The following PPM1H variants were observed in gnomAD, a reference collection of about 807,000 sequenced individuals.
PPM1H encodes protein phosphatase 1H.
Under a neutral mutation model 54.9 loss-of-function variants are expected in PPM1H, and 27 were observed. The ratio of observed to expected loss-of-function variants is 0.49; its 90% CI spans 0.36 to 0.68. PPM1H has a LOEUF of 0.68. Among genes scored for constraint, PPM1H ranks in the 30% least tolerant of loss-of-function variants. PPM1H has a pLI of 0.00. For missense variants in PPM1H, 596 were observed against 667.8 expected, an observed-to-expected ratio of 0.89 and a Z score of 1.19; for synonymous variants, 305 against 270.8, an observed-to-expected ratio of 1.13 and a Z score of -1.24.
At chr12:62,708,964 C>T (rs2076191430) in intron 6 of PPM1H, among the ~76,000 whole-genome samples, 1 of 152,068 alleles carries the variant, frequency 6.6e-6, no homozygotes, top group Non-Finnish European at 1.5e-5. Flanking sequence ...ACGTCATATT[C>T]CACCCTTAAG....
At chr12:62,817,135 A>G (rs1255048030) in intron 2 of PPM1H, among the ~76,000 whole-genome samples, 17 of 106,814 alleles carry the variant, frequency 1.6e-4, no homozygotes, top group African/African-American at 1.0e-3. Context: ...AAAAAAAAAA[A>G]AGAAAAAAAA....
intron 1 of PPM1H, among the ~76,000 whole-genome samples, chr12:62,908,407 C>CAAA (rs751766456): frequency 6.5e-4 from 63 of 96,578 alleles, no homozygotes; most frequent in African/African-American, 9.6e-4. Flanking sequence ...GACTCCGTCT[C>CAAA]AAAAAAAAAA....
chr12:62,822,957 C>G (rs1008006063), intron 2 of PPM1H, among the ~76,000 whole-genome samples: 9 of 152,064 alleles, frequency 5.9e-5, no homozygotes, highest in African/African-American at 2.2e-4. Context: ...AATTCAGGAG[C>G]TGGTTTTTTG....
intron 1 of PPM1H, among the ~76,000 whole-genome samples, chr12:62,869,391 G>A (rs1310467122): frequency 6.6e-6 from 1 of 151,968 alleles, no homozygotes; most frequent in Non-Finnish European, 1.5e-5. Context: ...AATTCAAAGG[G>A]GCATGTAATA....
intron 8 of PPM1H, among the ~76,000 whole-genome samples, chr12:62,683,159 C>T (rs1262968099): frequency 6.7e-6 from 1 of 149,874 alleles, no homozygotes; most frequent in South Asian, 2.1e-4. Flanking sequence ...ATCTTCTCGC[C>T]TTGGCCTCCC....
intron 8 of PPM1H, among the ~76,000 whole-genome samples, chr12:62,670,680 C>A (rs1398757326): frequency 1.3e-5 from 2 of 152,168 alleles, no homozygotes; most frequent in African/African-American, 4.8e-5. Flanking sequence ...TAAATGTAAT[C>A]TTTCCCTAAT....
intron 6 of PPM1H, among the ~76,000 whole-genome samples, chr12:62,696,456 G>A (rs1299990081): frequency 6.6e-6 from 1 of 152,176 alleles, no homozygotes; most frequent in Non-Finnish European, 1.5e-5. Flanking sequence ...CGACAAGGGG[G>A]AATAGCACCA....
chr12:62,802,109 C>T lies in PPM1H; in HGVS notation c.463G>A (p.Gly155Arg). The change falls in exon 3 of 10, where the codon GGG becomes AGG. Residue 155 changes from glycine to arginine, a missense_variant. By Grantham distance (125) the Gly-to-Arg change is moderately radical (BLOSUM62 -2). Coordinates refer to ENST00000228705, the MANE Select transcript of PPM1H (RefSeq NM_020700.2). ...HYWSLFDGHA[G>R]SGAAVVASRL... ...GACGCCACCACCGCGGCCCCGGACC[C>T]CGCGTGCCCGTCAAACAGCGACCAA... 6.3e-7 allele frequency: 1 copy of T among 1,599,544 alleles called. No homozygotes were observed. The highest frequency in any genetic ancestry group is 8.5e-7 in the Non-Finnish European group (1 of 1,172,452).
At chr12:62,782,973 T>C (rs1469757526) in intron 4 of PPM1H, among the ~76,000 whole-genome samples, 1 of 151,890 alleles carries the variant, frequency 6.6e-6, no homozygotes, top group Non-Finnish European at 1.5e-5. Flanking sequence ...GGATTATAGG[T>C]GTGAGCCACT....
chr12:62,824,679 G>A (rs1208644787), intron 2 of PPM1H, among the ~76,000 whole-genome samples: 1 of 152,194 alleles, frequency 6.6e-6, no homozygotes, highest in Non-Finnish European at 1.5e-5. Context: ...AAATGGTGCT[G>A]CGAAAACTGG....
intron 1 of PPM1H, among the ~76,000 whole-genome samples, chr12:62,897,681 A>C (rs1041970658): frequency 6.6e-6 from 1 of 152,088 alleles, no homozygotes; most frequent in East Asian, 1.9e-4. Flanking sequence ...TGGCATGGCA[A>C]TCTACCTATG....
intron 1 of PPM1H, among the ~76,000 whole-genome samples, chr12:62,930,624 T>A (rs1287432694): frequency 6.6e-6 from 1 of 151,948 alleles, no homozygotes; most frequent in Non-Finnish European, 1.5e-5. Flanking sequence ...CCAAAATGGG[T>A]TCCCAACCCA....
At chr12:62,748,753 T>C (rs947078379) in intron 4 of PPM1H, among the ~76,000 whole-genome samples, 2 of 152,074 alleles carry the variant, frequency 1.3e-5, no homozygotes, top group African/African-American at 4.8e-5. Context: ...TATATGTGAG[T>C]AATTGGTGGT....
At chr12:62,811,551 T>C (rs1170818635) in intron 2 of PPM1H, among the ~76,000 whole-genome samples, 1 of 152,176 alleles carries the variant, frequency 6.6e-6, no homozygotes, top group African/African-American at 2.4e-5. Context: ...TGGCTGTGTC[T>C]CCACCCAAAT....
intron 9 of PPM1H, among the ~76,000 whole-genome samples, chr12:62,665,822 C>G (rs1463208849): frequency 6.6e-6 from 1 of 151,702 alleles, no homozygotes; most frequent in Non-Finnish European, 1.5e-5. Context: ...CTCACTGCAA[C>G]CACTGCCTCC....
At chr12:62,781,065 G>A (rs1180087384) in intron 4 of PPM1H, among the ~76,000 whole-genome samples, 3 of 152,176 alleles carry the variant, frequency 2.0e-5, no homozygotes, top group Non-Finnish European at 4.4e-5. Flanking sequence ...TTTCCCAGGG[G>A]CCCAACAATG....
At chr12:62,902,848 T>G (rs1018767111) in intron 1 of PPM1H, among the ~76,000 whole-genome samples, 1 of 152,188 alleles carries the variant, frequency 6.6e-6, no homozygotes, top group African/African-American at 2.4e-5. Flanking sequence ...GAGGCCCTAC[T>G]CTAGATGGAG....
intron 1 of PPM1H, among the ~76,000 whole-genome samples, chr12:62,884,277 A>G (rs920567713): frequency 6.6e-6 from 1 of 152,012 alleles, no homozygotes; most frequent in Non-Finnish European, 1.5e-5. Context: ...ACCTGAGGTC[A>G]AGAGTTCGAG....
chr12:62,753,063 A>G (rs2076450791), intron 4 of PPM1H, among the ~76,000 whole-genome samples: 1 of 152,224 alleles, frequency 6.6e-6, no homozygotes, highest in South Asian at 2.1e-4. Context: ...ATTTGTGAAT[A>G]GTCATGTCTA....
Sources: gnomAD v4.1 joint callset for allele counts (sites outside exome capture counted in the v4.1 genomes callset) on GRCh38, gnomAD v4.1.1 for gene constraint, MANE v1.5 for transcripts, NCBI Gene and HGNC (gene_info 2026-07-23, HGNC 2026-07-21) for gene names.